SUFU: variants seen among roughly 807,000 people sequenced by gnomAD.
SUFU encodes the protein SUFU negative regulator of hedgehog signaling, also known as suppressor of fused homolog.
Under a neutral mutation model 58.9 loss-of-function variants are expected in SUFU, and 7 were observed. The observed-to-expected ratio is 0.12, with a 90% confidence interval of 0.07 to 0.22. SUFU has a LOEUF of 0.22. Ranked by LOEUF, SUFU falls within the 10% of genes least tolerant of loss-of-function variation. SUFU has a pLI of 1.00. For missense variants in SUFU, 451 were observed against 641.3 expected, an observed-to-expected ratio of 0.70 and a Z score of 3.20; for synonymous variants, 232 against 254.8, an observed-to-expected ratio of 0.91 and a Z score of 0.85.
At chr10:102,568,897 A>ATATATATATATAT (rs1211384342) in intron 3 of SUFU, among the ~76,000 whole-genome samples, 3 of 17,040 alleles carry the variant, frequency 1.8e-4, no homozygotes, top group Non-Finnish European at 1.9e-4. Context: ...AAAAAAAAAA[A>ATATATATATATAT]ATATATATAT....
intron 8 of SUFU, among the ~76,000 whole-genome samples, chr10:102,614,570 C>A (rs965385871): frequency 2.3e-5 from 3 of 131,964 alleles, no homozygotes; most frequent in African/African-American, 8.6e-5. Flanking sequence ...AAAAAAAAAA[C>A]GAAACAAAAA....
rs541553966 is a variant in SUFU, at chr10:102,578,870, C to G, written c.455-13712C>G. On this transcript the variant is annotated intron_variant, in intron 3 of 11. Transcript: ENST00000369902. ...TGGGCAACAGAGTGAGACTCTGTCT[C>G]AAAGGGAGAAAAAAAAAAAAGAGCA... 5.8e-5 allele frequency among the ~76,000 whole-genome samples: 7 copies of G among 120,906 alleles called. No individual in the cohort carries two copies. In the East Asian group the frequency reaches 2.3e-3, roughly 39 times the overall value. 79.3% of individuals were successfully genotyped at this position (120,906 alleles called of 152,430 possible). A position where few individuals can be genotyped will look rare whatever the true frequency, so the allele number is the denominator to read the frequency against.
At position 102,625,204 on chromosome 10, in the gene SUFU, G is replaced by A. The variant is rs1024475021; in HGVS notation, c.1297-1971G>A. ...GGGCTTAGGCTGTGAGAGGGAGTAC[G>A]TGTATGGCTGGAGTCTGTGGGCAGA... On this transcript the variant is annotated intron_variant, in intron 10 of 11. Transcript: ENST00000369902. The surrounding 1 kb of genome is among the most constrained non-coding windows in gnomAD (Gnocchi z 4.7). Among the ~76,000 whole-genome samples, 5 of 152,190 alleles carry A rather than the reference G, an allele frequency of 3.3e-5. No individual in the cohort carries two copies. Among genetic ancestry groups the A allele is most frequent in the Non-Finnish European group, 7.3e-5 (5 of 68,040 alleles).
intron 10 of SUFU, among the ~76,000 whole-genome samples, chr10:102,622,574 C>T (rs1278200491): frequency 6.6e-6 from 1 of 151,946 alleles, no homozygotes; most frequent in African/African-American, 2.4e-5. Context: ...AACCCCGTCT[C>T]TACTAAAAAT....
chr10:102,622,613 G>A (rs2063749356), intron 10 of SUFU, among the ~76,000 whole-genome samples: 1 of 151,860 alleles, frequency 6.6e-6, no homozygotes, highest in African/African-American at 2.4e-5. Context: ...ATGGCGGCGG[G>A]CGCCTGTAGT....
chr10:102,546,506 T>G (rs1228129925), intron 2 of SUFU, among the ~76,000 whole-genome samples: 1 of 152,206 alleles, frequency 6.6e-6, no homozygotes, highest in Non-Finnish European at 1.5e-5. Context: ...CCTTATACTT[T>G]CCTTTCTTGG....
At chr10:102,598,894 A>C (rs1310583333) in intron 7 of SUFU, among the ~76,000 whole-genome samples, 5 of 152,226 alleles carry the variant, frequency 3.3e-5, no homozygotes, top group Admixed American at 2.0e-4. Context: ...TTGCCTCTCC[A>C]TGGAGAGGCA....
rs903742863 is a variant in SUFU, at chr10:102,629,866, G to T, written c.1366-200G>T. ...CAACCTGCCTCATTATTGACAGGCC[G>T]TGGGGAAAGAAGGGGTCACCAACTC... On this transcript the variant is annotated intron_variant, in intron 11 of 11. Coordinates refer to ENST00000369902, the MANE Select transcript of SUFU (RefSeq NM_016169.4). This position sits in a 1 kb window ranked among gnomAD's most constrained non-coding sequence, Gnocchi z 4.7. 2.0e-5 allele frequency among the ~76,000 whole-genome samples: 3 copies of T among 152,212 alleles called. No homozygotes were observed. Among genetic ancestry groups the T allele is most frequent in the Non-Finnish European group, 2.9e-5 (2 of 68,038 alleles).
chr10:102,572,958 T>C lies in SUFU; in HGVS notation c.455-19624T>C, dbSNP rs531091041. ...TGAACACAAGTGTGTTGTTGTCTTC[T>C]ATCTTCTTCATGGCAGACTCAGTGG... On this transcript the variant is annotated intron_variant, in intron 3 of 11. Coordinates refer to ENST00000369902, the MANE Select transcript of SUFU (RefSeq NM_016169.4). The C allele has an allele frequency of 2.1e-5, 27 of 1,282,606 alleles. 2 individuals are homozygous for C. The Admixed American group carries it at 3.9e-4, about 18-fold the overall frequency. 79.5% of individuals were successfully genotyped at this position (1,282,606 alleles called of 1,614,324 possible). A position where few individuals can be genotyped will look rare whatever the true frequency, so the allele number is the denominator to read the frequency against.
chr10:102,571,765 T>C (rs1295070600), intron 3 of SUFU, among the ~76,000 whole-genome samples: 1 of 152,212 alleles, frequency 6.6e-6, no homozygotes, highest in Non-Finnish European at 1.5e-5. Flanking sequence ...ACACAGCTTA[T>C]CTCTAGGTCC....
At chr10:102,514,651 C>G (rs995467856) in intron 2 of SUFU, among the ~76,000 whole-genome samples, 1 of 152,212 alleles carries the variant, frequency 6.6e-6, no homozygotes, top group Non-Finnish European at 1.5e-5. Flanking sequence ...GACAGCTGAG[C>G]CTCAGCTGCC....
intron 3 of SUFU, chr10:102,591,179 G>T (rs1291195501): frequency 6.6e-6 from 1 of 152,200 alleles, no homozygotes. Flanking sequence ...GCCATTTAAA[G>T]AATGAGATAG....
chr10:102,531,219 C>T (rs910219825), intron 2 of SUFU, among the ~76,000 whole-genome samples: 2 of 152,128 alleles, frequency 1.3e-5, no homozygotes, highest in Admixed American at 1.3e-4. Flanking sequence ...CATGCCACTG[C>T]ACTCCAGCCT....
chr10:102,555,337 T>C (rs1187924391), intron 3 of SUFU, among the ~76,000 whole-genome samples: 9 of 150,430 alleles, frequency 6.0e-5, no homozygotes, highest in Admixed American at 2.0e-4. Flanking sequence ...TTTTTTTTTT[T>C]CCTCAATGAC....
intron 8 of SUFU, among the ~76,000 whole-genome samples, chr10:102,607,540 T>C (rs1283372899): frequency 6.6e-6 from 1 of 152,216 alleles, no homozygotes; most frequent in Non-Finnish European, 1.5e-5. Context: ...GGTGCAGTTA[T>C]CCTGAAAAGG....
chr10:102,506,285 C>A (rs1038126203), intron 1 of SUFU, among the ~76,000 whole-genome samples: 16 of 151,994 alleles, frequency 1.1e-4, no homozygotes, highest in Non-Finnish European at 1.9e-4. Context: ...AGAGATGGGC[C>A]AACATGTGAT....
intron 3 of SUFU, among the ~76,000 whole-genome samples, chr10:102,561,951 G>A (rs932184880): frequency 6.6e-6 from 1 of 152,138 alleles, no homozygotes; most frequent in Admixed American, 6.6e-5. Flanking sequence ...TTATAGGCAT[G>A]ACCCACTGCG....
chr10:102,592,796 GA>G, intron 4 of SUFU, 72 bp downstream of exon 4: 1 of 1,575,360 alleles, frequency 6.3e-7, no homozygotes, highest in Non-Finnish European at 8.7e-7. Context: ...GAGGCTTGAG[GA>G]GGGGGAGTGA....
Position 102,581,180 on chromosome 10 carries a change from CAAAAAAAA to C in SUFU, c.455-11378_455-11371del, listed in dbSNP as rs71016393. Among the ~76,000 whole-genome samples, 82 of 75,680 alleles carry C rather than the reference CAAAAAAAA, an allele frequency of 1.1e-3. 1 individual carries two copies. Among genetic ancestry groups the C allele is most frequent in the African/African-American group, 4.2e-3 (78 of 18,768 alleles). 49.6% of individuals were successfully genotyped at this position (75,680 alleles called of 152,430 possible). A position where few individuals can be genotyped will look rare whatever the true frequency, so the allele number is the denominator to read the frequency against. ...GGGCGACAGAGAGAGACTCTGTCTC[CAAAAAAAA>C]AAAAAAAAAAAAAAAAAAAAAAAGA... On this transcript the variant is annotated intron_variant, in intron 3 of 11. Coordinates refer to ENST00000369902, the MANE Select transcript of SUFU (RefSeq NM_016169.4).
Sources: allele counts gnomAD v4.1 joint callset (sites outside exome capture counted in the v4.1 genomes callset), GRCh38; gene constraint gnomAD v4.1.1; non-coding constraint Gnocchi (gnomAD v3.1); transcripts MANE v1.5; gene names NCBI Gene and HGNC (gene_info 2026-07-23, HGNC 2026-07-21).